The following VPS13A variants were observed in gnomAD, a reference collection of about 807,000 sequenced individuals.
VPS13A encodes the protein intermembrane lipid transfer protein VPS13A.
VPS13A carries 264 observed loss-of-function variants against 390.9 expected under a neutral mutation model. The observed-to-expected ratio is 0.68, with a 90% confidence interval of 0.61 to 0.75. The LOEUF is 0.75. Ranked by LOEUF, VPS13A falls within the 30% of genes least tolerant of loss-of-function variation. The pLI is 0.00. For missense variants in VPS13A, 3,409 were observed against 3,733.9 expected (o/e 0.91, Z 2.27); for synonymous variants, 1,231 against 1,227.1 (o/e 1.00, Z -0.07).
chr9:77,414,770 A>AATAATAAT (rs1835102373), intron 71 of VPS13A, among the ~76,000 whole-genome samples: 2 of 90,010 alleles, frequency 2.2e-5, no homozygotes, highest in Admixed American at 1.2e-4. Flanking sequence ...ATAATAATAA[A>AATAATAAT]AACTTAGAGT....
intron 52 of VPS13A, among the ~76,000 whole-genome samples, chr9:77,347,459 T>C (rs1229551302): frequency 6.6e-6 from 1 of 152,114 alleles, no homozygotes; most frequent in Non-Finnish European, 1.5e-5. Context: ...GTTGTTTTGT[T>C]TTATTTGAGT....
At chr9:77,370,751 T>A in intron 65 of VPS13A, 139 bp from the exon 66 acceptor site, 3 of 1,392,612 alleles carry the variant, frequency 2.2e-6, no homozygotes, top group Non-Finnish European at 3.0e-6. Flanking sequence ...ACATTCTGTT[T>A]AAATAAAATA....
intron 36 of VPS13A, among the ~76,000 whole-genome samples, 169 bp downstream of exon 36, chr9:77,314,288 G>T (rs1186932628): frequency 6.6e-6 from 1 of 152,036 alleles, no homozygotes; most frequent in East Asian, 1.9e-4. Context: ...CCTTTTAAAT[G>T]AGTTATCTAT....
chr9:77,256,875 C>T (rs1367419719), intron 22 of VPS13A, among the ~76,000 whole-genome samples: 1 of 151,214 alleles, frequency 6.6e-6, no homozygotes, highest in Non-Finnish European at 1.5e-5. Flanking sequence ...CACTTTTAAC[C>T]TGTGTGTTTT....
At chr9:77,213,379 C>A in intron 9 of VPS13A, 65 bp downstream of exon 9, 1 of 1,300,512 alleles carries the variant, frequency 7.7e-7, no homozygotes, top group Non-Finnish European at 1.1e-6. Context: ...AATTCATTGT[C>A]ATTTATCTAA....
At chr9:77,219,561 G>T (rs1200640412) in intron 10 of VPS13A, among the ~76,000 whole-genome samples, 1 of 152,122 alleles carries the variant, frequency 6.6e-6, no homozygotes, top group Non-Finnish European at 1.5e-5. Flanking sequence ...CAGAAATTCA[G>T]AAATTATAAT....
intron 19 of VPS13A, among the ~76,000 whole-genome samples, chr9:77,240,234 C>T (rs1472013076): frequency 6.6e-6 from 1 of 151,418 alleles, no homozygotes; most frequent in Non-Finnish European, 1.5e-5. Context: ...AGGCACCCAC[C>T]ACAACGCCTG....
chr9:77,367,432 G>GT (rs1197670318), intron 61 of VPS13A, among the ~76,000 whole-genome samples: 2 of 152,118 alleles, frequency 1.3e-5, no homozygotes, highest in African/African-American at 4.8e-5. Context: ...AAGAACAGTC[G>GT]TAAGAATCAA....
At chr9:77,264,077 C>T (rs2131303094) in intron 23 of VPS13A, among the ~76,000 whole-genome samples, 1 of 152,190 alleles carries the variant, frequency 6.6e-6, no homozygotes, top group East Asian at 1.9e-4. Flanking sequence ...TTGTTTTTGT[C>T]AGATTTGTCA....
In VPS13A at chr9:77,323,059, T is replaced by TA; in HGVS notation, c.5831-6dup. ...ATAAAAACTTTTAAACATACTTACTTAATTTAGCACCTGTTAACCATTCTA... is the reference window on the plus strand; with the variant it reads ...ATAAAAACTTTTAAACATACTTACTTAAATTTAGCACCTGTTAACCATTCTA... On this transcript the variant is annotated splice_polypyrimidine_tract_variant and splice_region_variant and intron_variant, in intron 44 of 71. Transcript: ENST00000360280. 6.2e-7 allele frequency: 1 copy of TA among 1,604,364 alleles called. No individual in the cohort carries two copies. The highest frequency in any genetic ancestry group is 1.1e-5 in the South Asian group (1 of 89,766).
Position 77,337,355 on chromosome 9 carries a change from A to G in VPS13A, c.6196A>G (p.Lys2066Glu), listed in dbSNP as rs762869259. ...AAATGATGGTGCTCTTCTAAAGAAG[A>G]AATGTAGATCTAAAAACCCTTCTAA... ...IKNDGALLKK[K>E]CRSKNPSKES... The change falls in exon 47 of 72, where the codon AAA (lysine) becomes GAA (glutamate). Residue 2066 changes from lysine to glutamate, a missense_variant. This residue lies in a region of VPS13A where 2,717 missense variants were observed against 2,917.4 expected (regional missense o/e 0.93). Transcript: ENST00000360280. 1.9e-6 allele frequency: 3 copies of G among 1,613,102 alleles called. No individual in the cohort carries two copies. In the Admixed American group the frequency reaches 5.0e-5, roughly 27 times the overall value.
At chr9:77,306,970 G>A (rs1318620217) in intron 34 of VPS13A, among the ~76,000 whole-genome samples, 5 of 150,144 alleles carry the variant, frequency 3.3e-5, no homozygotes, top group African/African-American at 7.4e-5. Flanking sequence ...GCAGTGGCGC[G>A]ATCTCGGCTC....
rs1270508933 is a variant in VPS13A, at chr9:77,177,539, C to G, written c.-166C>G. On this transcript the variant is annotated 5_prime_UTR_variant, in exon 1 of 72. Coordinates refer to ENST00000360280, the MANE Select transcript of VPS13A (RefSeq NM_033305.3). ...CACGCGTCGTGAGAGCGACCGCCTC[C>G]GTCTCTCGCTGGGCTCGCTAGGGCT... is the stretch of plus-strand genomic sequence containing the variant. 2 of 648,244 alleles carry G rather than the reference C, an allele frequency of 3.1e-6. No individual in the cohort carries two copies. Among genetic ancestry groups the G allele is most frequent in the Admixed American group, 2.3e-5 (1 of 43,280 alleles). The allele number at this position is 648,244 out of a possible 1,614,324, so 40.2% of individuals were successfully genotyped here.
At position 77,275,515 on chromosome 9, in the gene VPS13A, T is replaced by C. The variant is rs1826602908; in HGVS notation, c.2530T>C (p.Phe844Leu). The change falls in exon 25 of 72, where the codon TTT (phenylalanine) becomes CTT (leucine). Residue 844 changes from phenylalanine to leucine, a missense_variant. Physicochemically the swap from Phe to Leu is conservative, Grantham distance 22. Transcript: ENST00000360280. The part of the protein sequence containing the change: ...VSEDDSEEEF[F>L]DAPCSPLEEP... ...AAATGTAGATTCAGAGGAGGAATTT[T>C]TTGATGCACCATGTAGTCCCTTGGA... is the stretch of plus-strand genomic sequence containing the variant. 1 of 1,613,638 alleles carries C rather than the reference T, an allele frequency of 6.2e-7. No individual in the cohort carries two copies. Among genetic ancestry groups the C allele is most frequent in the Admixed American group, 1.7e-5 (1 of 59,990 alleles).
rs771085531 is a variant in VPS13A at position 77,365,445 on chromosome 9, G to A, written c.8212-15G>A. On this transcript the variant is annotated splice_polypyrimidine_tract_variant and intron_variant, in intron 59 of 71. Coordinates refer to ENST00000360280, the MANE Select transcript of VPS13A (RefSeq NM_033305.3). ...TAGGTCCCTTTAGTTTTAATATTTT[G>A]TGTTCCTTTTATAGGTTGAGCTTTT... The A allele has an allele frequency of 8.7e-5, 134 of 1,540,294 alleles. 1 individual carries two copies. Among genetic ancestry groups the A allele is most frequent in the Non-Finnish European group, 1.2e-4 (131 of 1,114,306 alleles).
intron 1 of VPS13A, 112 bp downstream of exon 1, chr9:77,177,916 G>A (rs1430987039): frequency 1.1e-6 from 1 of 877,546 alleles, no homozygotes; most frequent in Non-Finnish European, 1.8e-6. Flanking sequence ...GCCGGGTGCA[G>A]CCACCTGCCG....
At chr9:77,197,272 G>A (rs1295463521) in intron 1 of VPS13A, among the ~76,000 whole-genome samples, 1 of 152,058 alleles carries the variant, frequency 6.6e-6, no homozygotes, top group Non-Finnish European at 1.5e-5. Flanking sequence ...TGTGTCTTTT[G>A]GTCCAGTTGG....
intron 68 of VPS13A, among the ~76,000 whole-genome samples, chr9:77,401,363 G>GTC (rs1256948707): frequency 5.1e-4 from 77 of 149,566 alleles, no homozygotes; most frequent in Admixed American, 2.2e-3. Context: ...GTGTGTGTGT[G>GTC]TGTGTGTGTG....
At chr9:77,203,109 A>C (rs1239985409) in intron 3 of VPS13A, among the ~76,000 whole-genome samples, 3 of 152,228 alleles carry the variant, frequency 2.0e-5, no homozygotes, top group African/African-American at 7.2e-5. Flanking sequence ...GATCTTTCAA[A>C]ATTTCCCTCG....
Sources: gnomAD v4.1 joint callset for allele counts (sites outside exome capture counted in the v4.1 genomes callset) on GRCh38, gnomAD v4.1.1 for gene constraint, gnomAD v4.1.1 regional missense constraint, MANE v1.5 for transcripts, NCBI Gene and HGNC (gene_info 2026-07-23, HGNC 2026-07-21) for gene names.